Variants in ZMIZ1 observed in about 807,000 individuals in gnomAD.
ZMIZ1 encodes zinc finger MIZ domain-containing protein 1.
In ZMIZ1, 17 loss-of-function variants were observed where a neutral mutation model predicts 113.9. The ratio of observed to expected loss-of-function variants is 0.15; its 90% confidence interval spans 0.10 to 0.22. The LOEUF is 0.22. ZMIZ1 is among the 10% of genes least tolerant of loss of function. The probability of loss-of-function intolerance (pLI) is 1.00; values close to 1 mark genes in which losing one functional copy is unlikely to be tolerated. For missense variants in ZMIZ1, 1,059 were observed against 1,477.8 expected (o/e 0.72, Z 4.65); for synonymous variants, 607 against 603.1 (o/e 1.01, Z -0.09).
At chr10:79,093,714 A>G (rs1843069594) in intron 1 of ZMIZ1, among the ~76,000 whole-genome samples, 2 of 152,144 alleles carry the variant, frequency 1.3e-5, no homozygotes, top group African/African-American at 2.4e-5. Context: ...CAGGATTTGA[A>G]TGCAGGCCTG....
At chr10:79,240,638 CTTTTTTTTTTT>C (rs56903717) in intron 7 of ZMIZ1, among the ~76,000 whole-genome samples, 1 of 55,312 alleles carries the variant, frequency 1.8e-5, no homozygotes, top group African/African-American at 8.3e-5. Flanking sequence ...GAGTATTTAT[CTTTTTTTTTTT>C]TTTTTTTTTT....
chr10:79,199,040 A>T (rs545488408), intron 4 of ZMIZ1, among the ~76,000 whole-genome samples: 1 of 151,648 alleles, frequency 6.6e-6, no homozygotes, highest in South Asian at 2.1e-4. Flanking sequence ...CTCAAAAAAA[A>T]AAAAATTGGA....
At chr10:79,171,950 G>A (rs1448816808) in intron 4 of ZMIZ1, among the ~76,000 whole-genome samples, 2 of 152,178 alleles carry the variant, frequency 1.3e-5, no homozygotes, top group African/African-American at 4.8e-5. Context: ...TGAAGTGAAT[G>A]ACCAGCACAG....
At chr10:79,264,662 A>G (rs1185575443) in intron 7 of ZMIZ1, among the ~76,000 whole-genome samples, 1 of 152,134 alleles carries the variant, frequency 6.6e-6, no homozygotes, top group African/African-American at 2.4e-5. Context: ...AGGGGCTGTG[A>G]CCTGTGACTA....
At chr10:79,139,586 T>G in intron 2 of ZMIZ1, 96 bp from the exon 3 acceptor site, 93 of 393,314 alleles carry the variant, frequency 2.4e-4, no homozygotes, top group Middle Eastern at 6.4e-4. Context: ...AAGAGGCCGC[T>G]GAGATTAGCT....
chr10:79,242,702 G>C (rs1426022020), intron 7 of ZMIZ1, among the ~76,000 whole-genome samples: 3 of 151,758 alleles, frequency 2.0e-5, no homozygotes, highest in East Asian at 2.0e-4. Flanking sequence ...GCGCCTTCCC[G>C]GCGGCCTCCT....
At chr10:79,266,916 T>C (rs954359971) in intron 7 of ZMIZ1, among the ~76,000 whole-genome samples, 1 of 152,176 alleles carries the variant, frequency 6.6e-6, no homozygotes, top group Admixed American at 6.5e-5. Context: ...TTTGAGTAAA[T>C]CAGCCAGAGT....
chr10:79,195,444 G>A (rs1371686987), intron 4 of ZMIZ1, among the ~76,000 whole-genome samples: 1 of 152,232 alleles, frequency 6.6e-6, no homozygotes, highest in African/African-American at 2.4e-5. Flanking sequence ...CTGAGGCCAC[G>A]GGTGCACCTG....
At chr10:79,303,711 A>G (rs2132078141) in intron 18 of ZMIZ1, among the ~76,000 whole-genome samples, 1 of 152,314 alleles carries the variant, frequency 6.6e-6, no homozygotes, top group South Asian at 2.1e-4. Flanking sequence ...ACTTTCCATG[A>G]GCTTTGCAGA....
intron 2 of ZMIZ1, among the ~76,000 whole-genome samples, chr10:79,129,783 C>G (rs1354334802): frequency 6.6e-6 from 1 of 152,248 alleles, no homozygotes; most frequent in Non-Finnish European, 1.5e-5. Flanking sequence ...CTGCCCCCAG[C>G]CCTGGCCTGA....
intron 1 of ZMIZ1, among the ~76,000 whole-genome samples, chr10:79,107,633 T>A (rs1366438243): frequency 6.6e-6 from 1 of 152,146 alleles, no homozygotes; most frequent in Admixed American, 6.5e-5. Flanking sequence ...TCTCCATTGC[T>A]CCCACACTAC....
intron 1 of ZMIZ1, among the ~76,000 whole-genome samples, chr10:79,104,950 G>GGTGTGTGTGTGTGTGTGTGT (rs58453718): frequency 7.1e-6 from 1 of 140,092 alleles, no homozygotes; most frequent in African/African-American, 2.7e-5. Context: ...GTTGTTGTGG[G>GGTGTGTGTGTGTGTGTGTGT]GTGTGTGTGT....
rs56903717 is a variant in ZMIZ1, at chr10:79,240,638, C to CTTTTTTTTTTTTTTTTTTTTTT, written c.280+24370_280+24391dup. On this transcript the variant is annotated intron_variant, in intron 7 of 24. Coordinates refer to ENST00000334512, the MANE Select transcript of ZMIZ1 (RefSeq NM_020338.4). ...CGTAAATCTAGTGAAGAGTATTTAT[C>CTTTTTTTTTTTTTTTTTTTTTT]TTTTTTTTTTTTTTTTTTTTTTTTT... 5.2e-4 allele frequency among the ~76,000 whole-genome samples: 29 copies of CTTTTTTTTTTTTTTTTTTTTTT among 55,324 alleles called. 3 individuals carry two copies. Among genetic ancestry groups the CTTTTTTTTTTTTTTTTTTTTTT allele is most frequent in the East Asian group, 1.9e-3 (2 of 1,032 alleles). 36.3% of individuals were successfully genotyped at this position (55,324 alleles called of 152,430 possible). A position where few individuals can be genotyped will look rare whatever the true frequency, so the allele number is the denominator to read the frequency against.
intron 3 of ZMIZ1, among the ~76,000 whole-genome samples, chr10:79,147,308 C>T (rs1051952557): frequency 6.6e-6 from 1 of 152,236 alleles, no homozygotes; most frequent in Non-Finnish European, 1.5e-5. Context: ...TAACAGAGAA[C>T]TCTCTCAGCC....
chr10:79,197,604 A>G (rs561011655), intron 4 of ZMIZ1, among the ~76,000 whole-genome samples: 3 of 136,952 alleles, frequency 2.2e-5, no homozygotes, highest in Non-Finnish European at 4.6e-5. Flanking sequence ...ATACACACAC[A>G]CACACATACA....
intron 1 of ZMIZ1, among the ~76,000 whole-genome samples, chr10:79,079,441 C>T (rs907721869): frequency 2.6e-5 from 4 of 152,244 alleles, no homozygotes; most frequent in Admixed American, 6.5e-5. Context: ...AGTCCCTGGC[C>T]GTTGAATGGA....
At chr10:79,201,381 C>T (rs1323892301) in intron 4 of ZMIZ1, among the ~76,000 whole-genome samples, 5 of 152,244 alleles carry the variant, frequency 3.3e-5, no homozygotes, top group African/African-American at 1.2e-4. Flanking sequence ...CATGCCTGCC[C>T]AGTGCTCACA....
At chr10:79,125,648 G>T (rs1252550204) in intron 2 of ZMIZ1, among the ~76,000 whole-genome samples, 1 of 152,224 alleles carries the variant, frequency 6.6e-6, no homozygotes, top group Non-Finnish European at 1.5e-5. Context: ...TGTGTTCCTA[G>T]GTCTGAAGCC....
intron 1 of ZMIZ1, among the ~76,000 whole-genome samples, chr10:79,114,043 A>C (rs1430060138): frequency 6.6e-6 from 1 of 151,694 alleles, no homozygotes. Flanking sequence ...TGCCTGCCGG[A>C]CTCCTACCCC....
Sources: allele counts gnomAD v4.1 joint callset (sites outside exome capture counted in the v4.1 genomes callset), GRCh38; gene constraint gnomAD v4.1.1; transcripts MANE v1.5; gene names NCBI Gene and HGNC (gene_info 2026-07-23, HGNC 2026-07-21).